The following NBEA variants were observed in gnomAD, a reference collection of about 807,000 sequenced individuals.
NBEA encodes neurobeachin.
A neutral mutation model predicts 343.4 loss-of-function variants in NBEA; 44 were observed. That is an observed-to-expected ratio of 0.13 (90% CI 0.10 to 0.16). The LOEUF is 0.16. NBEA is among the 10% of genes least tolerant of loss of function. The probability of loss-of-function intolerance (pLI) is 1.00; values close to 1 mark genes in which losing one functional copy is unlikely to be tolerated. For synonymous variants in NBEA, 1,175 were observed against 1,238.7 expected (o/e 0.95, Z 1.08); for missense variants, 2,555 against 3,631.3 (o/e 0.70, Z 7.62).
intron 56 of NBEA, among the ~76,000 whole-genome samples, chr13:35,665,419 T>C (rs2085304670): frequency 6.6e-6 from 1 of 152,152 alleles, no homozygotes; most frequent in Admixed American, 6.5e-5. Context: ...CACTGATAAA[T>C]TACAGTGTAT....
At chr13:35,419,000 A>G (rs965851264) in intron 38 of NBEA, among the ~76,000 whole-genome samples, 8 of 151,992 alleles carry the variant, frequency 5.3e-5, no homozygotes, top group South Asian at 2.1e-4. Flanking sequence ...TATGTTTCAT[A>G]TATATACCTT....
Position 35,649,755 on chromosome 13 carries a change from C to T in NBEA, c.7871C>T (p.Ala2624Val). 6.2e-7 allele frequency: 1 copy of T among 1,614,006 alleles called. No individual in the cohort carries two copies. The highest frequency in any genetic ancestry group is 8.5e-7 in the Non-Finnish European group (1 of 1,179,884). Reference protein sequence around the residue: ...FPSNSPVTHVAANTLPHLTIP... With the variant: ...FPSNSPVTHVVANTLPHLTIP... Reference sequence around the variant, plus strand: ...TCAAATTCTCCAGTAACCCATGTGGCAGCCAACACTCTGCCCCACTTGACC... The same window carrying T: ...TCAAATTCTCCAGTAACCCATGTGGTAGCCAACACTCTGCCCCACTTGACC... Residue 2624 changes from alanine to valine, a missense_variant, in exon 52 of 59, where the codon GCA becomes GTA. Around this residue, in one of 21 missense-constraint regions of NBEA, gnomAD observed 61 missense variants for 132.1 expected, o/e 0.46. Coordinates refer to ENST00000379939, the MANE Select transcript of NBEA (RefSeq NM_001385012.1).
At chr13:35,165,905 A>C (rs1211588966) in intron 24 of NBEA, among the ~76,000 whole-genome samples, 1 of 151,814 alleles carries the variant, frequency 6.6e-6, no homozygotes, top group Non-Finnish European at 1.5e-5. Flanking sequence ...GGCTGGTTTC[A>C]AACTCCTGAC....
intron 38 of NBEA, among the ~76,000 whole-genome samples, chr13:35,369,971 A>G (rs924887246): frequency 8.5e-5 from 13 of 152,062 alleles, no homozygotes; most frequent in African/African-American, 3.1e-4. Flanking sequence ...AGAATGTTCC[A>G]TGTACTGATC....
intron 40 of NBEA, among the ~76,000 whole-genome samples, chr13:35,462,554 A>G (rs2046966880): frequency 6.6e-6 from 1 of 152,146 alleles, no homozygotes; most frequent in African/African-American, 2.4e-5. Context: ...TATGTGCCTT[A>G]AGGAACCTTG....
intron 38 of NBEA, among the ~76,000 whole-genome samples, chr13:35,403,369 G>T (rs1017593081): frequency 6.6e-6 from 1 of 151,980 alleles, no homozygotes; most frequent in African/African-American, 2.4e-5. Context: ...TTACAATCTA[G>T]TAAGAGTGTC....
chr13:35,045,904 T>G (rs1359048812), intron 4 of NBEA, among the ~76,000 whole-genome samples: 1 of 151,896 alleles, frequency 6.6e-6, no homozygotes. Flanking sequence ...ATTTTTGTAT[T>G]TTTAGTAGAG....
At chr13:35,348,290 A>G (rs934768957) in intron 36 of NBEA, among the ~76,000 whole-genome samples, 9 of 152,118 alleles carry the variant, frequency 5.9e-5, no homozygotes, top group Non-Finnish European at 1.3e-4. Flanking sequence ...TGTATAATGT[A>G]CTAATAATTA....
chr13:34,953,383 A>T (rs992217932), intron 1 of NBEA, among the ~76,000 whole-genome samples: 96 of 152,322 alleles, frequency 6.3e-4, no homozygotes, highest in African/African-American at 2.2e-3. Flanking sequence ...AGTTATCAGT[A>T]CAAGAATGTT....
intron 34 of NBEA, among the ~76,000 whole-genome samples, chr13:35,258,018 A>T (rs2032814922): frequency 6.6e-6 from 1 of 152,062 alleles, no homozygotes; most frequent in African/African-American, 2.4e-5. Context: ...TTTATTTGTA[A>T]TGAACTTTAC....
intron 38 of NBEA, among the ~76,000 whole-genome samples, chr13:35,418,436 A>G (rs1371010701): frequency 6.6e-6 from 1 of 152,062 alleles, no homozygotes; most frequent in African/African-American, 2.4e-5. Flanking sequence ...TTGTATAGTG[A>G]TGAATTTCAG....
chr13:35,278,652 C>T (rs2034819281), intron 34 of NBEA, among the ~76,000 whole-genome samples: 1 of 152,182 alleles, frequency 6.6e-6, no homozygotes, highest in South Asian at 2.1e-4. Flanking sequence ...CATATCATTT[C>T]ATTTCTGCTA....
chr13:35,389,575 T>A (rs2042400943), intron 38 of NBEA, among the ~76,000 whole-genome samples: 1 of 152,128 alleles, frequency 6.6e-6, no homozygotes, highest in Non-Finnish European at 1.5e-5. Context: ...TAAATGAGAT[T>A]AGATAGAAAG....
intron 41 of NBEA, among the ~76,000 whole-genome samples, chr13:35,543,177 T>C (rs974369990): frequency 8.1e-4 from 124 of 152,204 alleles, no homozygotes; most frequent in Middle Eastern, 3.4e-3. Flanking sequence ...GCATAAAAAA[T>C]GAAATTATAT....
At chr13:35,506,821 A>G (rs1019617282) in intron 41 of NBEA, among the ~76,000 whole-genome samples, 6 of 152,140 alleles carry the variant, frequency 3.9e-5, no homozygotes, top group East Asian at 1.9e-4. Context: ...CTCAAATTAT[A>G]GAACCATTGC....
intron 41 of NBEA, among the ~76,000 whole-genome samples, chr13:35,541,086 C>T (rs1479210620): frequency 6.6e-6 from 1 of 152,114 alleles, no homozygotes; most frequent in East Asian, 1.9e-4. Context: ...TGAGATCTCG[C>T]CCCACATCCT....
At chr13:35,349,399 A>G (rs1243663228) in intron 37 of NBEA, among the ~76,000 whole-genome samples, 183 bp downstream of exon 37, 2 of 152,128 alleles carry the variant, frequency 1.3e-5, no homozygotes, top group Non-Finnish European at 2.9e-5. Context: ...CCCCATTTAC[A>G]GCATGAAAAC....
Position 35,259,001 on chromosome 13 carries a change from T to C in NBEA, c.5776+26382T>C, listed in dbSNP as rs368707995. On this transcript the variant is annotated intron_variant, in intron 34 of 58. Transcript: ENST00000379939. ...CATTCAGTAGGTTAGCTATATTAAA[T>C]AAATTTTTTACTTAAGATGCGTTCA... Among the ~76,000 whole-genome samples the C allele has an allele frequency of 1.2e-4, 18 of 152,328 alleles. No homozygotes were observed. In the East Asian group the frequency reaches 2.9e-3, roughly 24 times the overall value.
intron 41 of NBEA, among the ~76,000 whole-genome samples, chr13:35,494,341 G>A (rs1046859805): frequency 1.3e-5 from 2 of 151,908 alleles, no homozygotes; most frequent in Non-Finnish European, 2.9e-5. Flanking sequence ...TAAGACTTAA[G>A]GGAAAAAGTC....
Sources: allele counts gnomAD v4.1 joint callset (sites outside exome capture counted in the v4.1 genomes callset), GRCh38; gene constraint gnomAD v4.1.1; regional missense constraint gnomAD v4.1.1; transcripts MANE v1.5; gene names NCBI Gene and HGNC (gene_info 2026-07-23, HGNC 2026-07-21).